Variants in GNG7 observed in about 807,000 individuals in gnomAD.
GNG7 encodes guanine nucleotide-binding protein G(I)/G(S)/G(O) subunit gamma-7.
In GNG7, 1 loss-of-function variant was observed where a neutral mutation model predicts 4.0. The observed-to-expected ratio is 0.25, with a 90% confidence interval of 0.09 to 1.18. The LOEUF is 1.18. Among genes scored for constraint, GNG7 ranks in the 50% most tolerant of loss-of-function variants. The pLI, the probability that GNG7 is intolerant of heterozygous loss-of-function variation, is 0.50. For missense variants in GNG7, 86 were observed against 91.9 expected (o/e 0.94, Z 0.26); for synonymous variants, 34 against 36.9 (o/e 0.92, Z 0.29).
intron 3 of GNG7, among the ~76,000 whole-genome samples, chr19:2,539,042 A>G (rs969163606): frequency 2.6e-5 from 4 of 152,134 alleles, no homozygotes; most frequent in African/African-American, 4.8e-5. Context: ...AAGTGCTGGG[A>G]TTACAGGCGT....
chr19:2,594,477 T>G (rs1980955911), intron 2 of GNG7, among the ~76,000 whole-genome samples: 1 of 151,500 alleles, frequency 6.6e-6, no homozygotes, highest in African/African-American at 2.4e-5. Context: ...ATTTAAAAAA[T>G]TACATATAGT....
intron 3 of GNG7, among the ~76,000 whole-genome samples, chr19:2,553,520 A>G (rs2144760186): frequency 6.7e-6 from 1 of 148,708 alleles, no homozygotes; most frequent in African/African-American, 2.4e-5. Context: ...ACATATATGT[A>G]CACATTACAT....
chr19:2,539,189 C>T (rs1213276035), intron 3 of GNG7, among the ~76,000 whole-genome samples: 2 of 152,060 alleles, frequency 1.3e-5, no homozygotes, highest in South Asian at 2.1e-4. Context: ...CTATAAACTG[C>T]GTTGCAAAGC....
intron 1 of GNG7, among the ~76,000 whole-genome samples, chr19:2,695,698 G>A (rs1311700418): frequency 6.6e-6 from 1 of 152,072 alleles, no homozygotes; most frequent in African/African-American, 2.4e-5. Flanking sequence ...TGTGGGTGCT[G>A]ACTTGATAGG....
chr19:2,590,908 TTCATCCATCCATCCAACCATCCATTTAC>T (rs1371855362), intron 2 of GNG7, among the ~76,000 whole-genome samples: 1 of 151,706 alleles, frequency 6.6e-6, no homozygotes, highest in Non-Finnish European at 1.5e-5. Flanking sequence ...TATCCATCCA[TTCATCCATCCATCCAACCATCCATTTAC>T]TCATCCATCC....
At chr19:2,687,515 T>C (rs765895550) in intron 1 of GNG7, among the ~76,000 whole-genome samples, 6 of 143,848 alleles carry the variant, frequency 4.2e-5, no homozygotes, top group Non-Finnish European at 7.6e-5. Flanking sequence ...AGTTGGGAGG[T>C]TGAGGTAGGA....
chr19:2,648,579 G>A (rs1372108564), intron 1 of GNG7, among the ~76,000 whole-genome samples: 4 of 152,326 alleles, frequency 2.6e-5, no homozygotes, highest in Middle Eastern at 3.4e-3. Flanking sequence ...CGAGCTCAGG[G>A]TAATTTACCA....
chr19:2,604,639 C>CAAAAAAA (rs71178297), intron 2 of GNG7, among the ~76,000 whole-genome samples: 1 of 87,844 alleles, frequency 1.1e-5, no homozygotes, highest in Admixed American at 1.4e-4. Flanking sequence ...GACCCTCCTT[C>CAAAAAAA]AAAAAAAAAA....
Position 2,570,715 on chromosome 19 carries a change from G to A in GNG7, c.-77-15527C>T, listed in dbSNP as rs114545026. Among the ~76,000 whole-genome samples the A allele has an allele frequency of 7.7e-3, 1,173 of 152,274 alleles. 23 individuals are homozygous for A. Among genetic ancestry groups the A allele is most frequent in the African/African-American group, 0.026 (1,098 of 41,546 alleles). ...TTTCCAGGAGCAGACAGCGCTCCTC[G>A]GACAGTGGAGAGATGGTAAAGGACG... On this transcript the variant is annotated intron_variant, in intron 2 of 4. Coordinates refer to ENST00000382159, the MANE Select transcript of GNG7 (RefSeq NM_052847.3).
At chr19:2,542,775 T>C (rs1390088093) in intron 3 of GNG7, among the ~76,000 whole-genome samples, 1 of 151,548 alleles carries the variant, frequency 6.6e-6, no homozygotes, top group Non-Finnish European at 1.5e-5. Context: ...TGAGCAGGCA[T>C]GGGGTCCCAC....
intron 1 of GNG7, among the ~76,000 whole-genome samples, chr19:2,677,253 A>ATTTTTTTT (rs60983729): frequency 2.7e-5 from 4 of 145,582 alleles, no homozygotes; most frequent in African/African-American, 7.7e-5. Flanking sequence ...AGAGAATTCC[A>ATTTTTTTT]TTTTTTTTTT....
At chr19:2,602,909 C>CTTTCTTTTCTT (rs756699922) in intron 2 of GNG7, among the ~76,000 whole-genome samples, 5 of 140,100 alleles carry the variant, frequency 3.6e-5, no homozygotes, top group Non-Finnish European at 7.6e-5. Context: ...TTCTTTCTTT[C>CTTTCTTTTCTT]TTTCTTTCTT....
intron 2 of GNG7, among the ~76,000 whole-genome samples, chr19:2,602,833 A>G (rs1168286443): frequency 4.6e-5 from 7 of 151,832 alleles, no homozygotes; most frequent in East Asian, 3.9e-4. Flanking sequence ...AAGGGGGCTC[A>G]CTGCGGCTCT....
intron 2 of GNG7, among the ~76,000 whole-genome samples, chr19:2,582,526 A>G (rs1279565121): frequency 6.6e-6 from 1 of 151,954 alleles, no homozygotes; most frequent in Non-Finnish European, 1.5e-5. Context: ...TCTGTTGCCC[A>G]GGCTGGAGTG....
intron 3 of GNG7, among the ~76,000 whole-genome samples, chr19:2,550,070 T>C (rs1979265720): frequency 6.6e-6 from 1 of 152,244 alleles, no homozygotes; most frequent in Non-Finnish European, 1.5e-5. Context: ...GAAATGTGGC[T>C]GCCTTGGGTC....
In GNG7 at chr19:2,520,656, C is replaced by G. The variant is rs907705707; in HGVS notation, c.33G>C (p.Arg11=). ...CTATGCGTAGCTGTTCCACCAGCTT[C>G]CGGGCCTGGGCTATGTTGTTAGTGG... The part of the protein sequence containing the change: MSATNNIAQA[R]KLVEQLRIEA... Residue 11 remains arginine, a synonymous_variant, in exon 4 of 5, where the codon CGG becomes CGC. Transcript: ENST00000382159. The G allele has an allele frequency of 6.4e-7, 1 of 1,552,854 alleles. No individual in the cohort carries two copies. The highest frequency in any genetic ancestry group is 8.7e-7 in the Non-Finnish European group (1 of 1,145,940).
At chr19:2,561,726 A>AAAG (rs903428772) in intron 2 of GNG7, among the ~76,000 whole-genome samples, 2 of 151,032 alleles carry the variant, frequency 1.3e-5, no homozygotes, top group African/African-American at 4.9e-5. Flanking sequence ...AAAAAAAAAA[A>AAAG]AAAAATTAGC....
intron 3 of GNG7, among the ~76,000 whole-genome samples, chr19:2,552,675 A>G (rs1356344548): frequency 6.7e-6 from 1 of 149,956 alleles, no homozygotes; most frequent in Non-Finnish European, 1.5e-5. Context: ...GTGAGCCACC[A>G]CACCCAGCCC....
In GNG7 at chr19:2,542,031, G is replaced by T. The variant is rs536442811; in HGVS notation, c.-38+13118C>A. 7.2e-5 allele frequency among the ~76,000 whole-genome samples: 11 copies of T among 151,860 alleles called. No individual in the cohort carries two copies. The South Asian group carries it at 2.3e-3, about 32-fold the overall frequency. Reference sequence around the variant, plus strand: ...CCTGTCTGGGGCTGGCTGCAGGGCGGCCCTTCCAAAGAGCTCCCTGTGGCA... The same window carrying T: ...CCTGTCTGGGGCTGGCTGCAGGGCGTCCCTTCCAAAGAGCTCCCTGTGGCA... On this transcript the variant is annotated intron_variant, in intron 3 of 4. Transcript: ENST00000382159.
Sources: allele counts gnomAD v4.1 joint callset (sites outside exome capture counted in the v4.1 genomes callset), GRCh38; gene constraint gnomAD v4.1.1; transcripts MANE v1.5; gene names NCBI Gene and HGNC (gene_info 2026-07-23, HGNC 2026-07-21).